ZSWIM6: variants seen among roughly 807,000 people sequenced by gnomAD.
ZSWIM6 encodes zinc finger SWIM-type containing 6.
Under a neutral mutation model 113.2 loss-of-function variants are expected in ZSWIM6, and 9 were observed. The observed-to-expected ratio is 0.08, with a 90% CI of 0.05 to 0.14. ZSWIM6 has a LOEUF of 0.14. ZSWIM6 is among the 10% of genes least tolerant of loss of function. ZSWIM6 has a pLI of 1.00. For missense variants in ZSWIM6, 1,162 were observed against 1,552.2 expected (o/e 0.75, Z 4.22); for synonymous variants, 611 against 606.5 (o/e 1.01, Z -0.11).
chr5:61,493,109 A>C (rs1748223544), intron 3 of ZSWIM6, among the ~76,000 whole-genome samples: 1 of 152,126 alleles, frequency 6.6e-6, no homozygotes, highest in Non-Finnish European at 1.5e-5. Flanking sequence ...GCATAAGAGT[A>C]ATGGACAAAA....
chr5:61,421,341 A>G (rs1210064673), intron 1 of ZSWIM6, among the ~76,000 whole-genome samples: 1 of 152,196 alleles, frequency 6.6e-6, no homozygotes, highest in Non-Finnish European at 1.5e-5. Context: ...AGGTCCCACA[A>G]ATAAGTGAGA....
chr5:61,532,149 A>G (rs1163028094), intron 9 of ZSWIM6, among the ~76,000 whole-genome samples: 1 of 152,180 alleles, frequency 6.6e-6, no homozygotes, highest in Non-Finnish European at 1.5e-5. Context: ...CGGTTACATG[A>G]CACCTGGGTT....
Position 61,453,434 on chromosome 5 carries a change from G to A in ZSWIM6, c.677-19247G>A, listed in dbSNP as rs758515652. On this transcript the variant is annotated intron_variant, in intron 1 of 13. Transcript: ENST00000252744. The stretch of plus-strand genomic sequence containing the variant: ...TCTGTCACCTAGTTTGGGTTACAGC[G>A]GCGTGATCTTGGCTCACTGCAGCCT... 1.7e-4 allele frequency among the ~76,000 whole-genome samples: 25 copies of A among 149,396 alleles called. No individual in the cohort carries two copies. The East Asian group carries it at 1.8e-3, about 11-fold the overall frequency.
chr5:61,538,403 T>C (rs755299790), intron 10 of ZSWIM6, among the ~76,000 whole-genome samples: 28 of 152,360 alleles, frequency 1.8e-4, no homozygotes, highest in Middle Eastern at 3.4e-3. Flanking sequence ...GTCTTAAATA[T>C]CCATTTCACT....
intron 1 of ZSWIM6, among the ~76,000 whole-genome samples, chr5:61,464,460 G>A (rs1439395737): frequency 6.6e-6 from 1 of 152,076 alleles, no homozygotes; most frequent in East Asian, 1.9e-4. Flanking sequence ...CTCTCCTAGA[G>A]AACATCAGTT....
Position 61,546,038 on chromosome 5 carries a change from A to T in ZSWIM6, c.*1721A>T, listed in dbSNP as rs1029225924. ...GTTGTAATTCATCACCCATGTAAAC[A>T]TGCTCATGAAGTTGAAAGTAATTAA... is the stretch of plus-strand genomic sequence containing the variant. On this transcript the variant is annotated 3_prime_UTR_variant, in exon 14 of 14. Coordinates refer to ENST00000252744, the MANE Select transcript of ZSWIM6 (RefSeq NM_020928.2). 1 of 152,250 alleles carries T rather than the reference A, an allele frequency of 6.6e-6. No individual in the cohort carries two copies. The allele number at this position is 152,250 out of a possible 1,614,324, so 9.4% of individuals were successfully genotyped here. A position where few individuals can be genotyped will look rare whatever the true frequency, so the allele number is the denominator to read the frequency against.
intron 1 of ZSWIM6, among the ~76,000 whole-genome samples, chr5:61,456,290 G>A (rs926093918): frequency 7.9e-5 from 12 of 152,270 alleles, no homozygotes; most frequent in Middle Eastern, 3.4e-3. Flanking sequence ...AGGGAATTAA[G>A]TGGGATTTCT....
intron 1 of ZSWIM6, among the ~76,000 whole-genome samples, chr5:61,420,740 A>G (rs895176014): frequency 6.6e-6 from 1 of 152,194 alleles, no homozygotes; most frequent in Non-Finnish European, 1.5e-5. Flanking sequence ...TGATACAGGC[A>G]TGGAACATGT....
chr5:61,432,474 A>G (rs756871752), intron 1 of ZSWIM6, among the ~76,000 whole-genome samples: 37 of 152,232 alleles, frequency 2.4e-4, no homozygotes, highest in African/African-American at 8.4e-4. Context: ...CGTGTTGTGG[A>G]ATGACTACTG....
intron 2 of ZSWIM6, among the ~76,000 whole-genome samples, chr5:61,480,313 A>G (rs1323667602): frequency 6.6e-6 from 1 of 152,236 alleles, no homozygotes; most frequent in Non-Finnish European, 1.5e-5. Context: ...AGGAGGGGCC[A>G]TAAACCCTGA....
At chr5:61,347,542 A>C (rs548636508) in intron 1 of ZSWIM6, 1 of 158,528 alleles carries the variant, frequency 6.3e-6, no homozygotes, top group African/African-American at 2.4e-5. Context: ...GAGCCAGACT[A>C]TGAGACCTAC....
chr5:61,445,920 A>G (rs1746943486), intron 1 of ZSWIM6, among the ~76,000 whole-genome samples: 1 of 152,214 alleles, frequency 6.6e-6, no homozygotes, highest in African/African-American at 2.4e-5. Context: ...ATTTAAATCC[A>G]CCAGTAACAC....
chr5:61,385,451 CAGAA>C (rs748796467), intron 1 of ZSWIM6, among the ~76,000 whole-genome samples: 7 of 152,132 alleles, frequency 4.6e-5, no homozygotes, highest in Non-Finnish European at 5.9e-5. Flanking sequence ...TCCGATTTGA[CAGAA>C]AGAACACTTA....
intron 10 of ZSWIM6, among the ~76,000 whole-genome samples, chr5:61,538,429 T>C (rs1194317487): frequency 1.3e-5 from 2 of 152,238 alleles, no homozygotes; most frequent in East Asian, 1.9e-4. Flanking sequence ...TTTCTGTTGA[T>C]TTATTTTTTG....
chr5:61,513,844 A>G (rs1378844940), intron 4 of ZSWIM6, among the ~76,000 whole-genome samples: 1 of 151,996 alleles, frequency 6.6e-6, no homozygotes, highest in Non-Finnish European at 1.5e-5. Context: ...TCACTAGTGC[A>G]GTTTTGATTA....
intron 1 of ZSWIM6, among the ~76,000 whole-genome samples, chr5:61,465,407 G>A (rs891340329): frequency 3.3e-5 from 5 of 151,276 alleles, no homozygotes; most frequent in Admixed American, 3.3e-4. Context: ...TTGGTATGAC[G>A]GAGTGATATG....
At chr5:61,532,659 T>C (rs561646247) in intron 9 of ZSWIM6, among the ~76,000 whole-genome samples, 214 of 152,346 alleles carry the variant, frequency 1.4e-3, no homozygotes, top group African/African-American at 5.0e-3. Context: ...TTTACTTTTA[T>C]ATGTTTTAGA....
chr5:61,417,328 T>C (rs1746278331), intron 1 of ZSWIM6, among the ~76,000 whole-genome samples: 2 of 152,220 alleles, frequency 1.3e-5, no homozygotes, highest in East Asian at 1.9e-4. Context: ...TAGGAGATTA[T>C]TAAATGAAAA....
chr5:61,527,858 G>A (rs184561569), intron 7 of ZSWIM6, among the ~76,000 whole-genome samples: 1 of 152,244 alleles, frequency 6.6e-6, no homozygotes, highest in East Asian at 1.9e-4. Flanking sequence ...AAAGGAAAGT[G>A]TAAAAATGTT....
Sources: allele counts gnomAD v4.1 joint callset (sites outside exome capture counted in the v4.1 genomes callset), GRCh38; gene constraint gnomAD v4.1.1; transcripts MANE v1.5; gene names NCBI Gene and HGNC (gene_info 2026-07-23, HGNC 2026-07-21).